The following ADAM29 variants were observed in gnomAD, a reference collection of about 807,000 sequenced individuals.
ADAM29 encodes the protein ADAM metallopeptidase domain 29, also known as disintegrin and metalloproteinase domain-containing protein 29.
For missense variants in ADAM29, 969 were observed against 1,001.8 expected (o/e 0.97, Z 0.44); for synonymous variants, 367 against 342.3 (o/e 1.07, Z -0.80).
At chr4:174,923,284 T>C (rs756689768) in intron 2 of ADAM29, among the ~76,000 whole-genome samples, 17 of 151,816 alleles carry the variant, frequency 1.1e-4, no homozygotes, top group Non-Finnish European at 2.1e-4. Flanking sequence ...CTCCAACTCC[T>C]GACATCCTGA....
At chr4:174,957,118 A>G (rs775632567) in intron 4 of ADAM29, among the ~76,000 whole-genome samples, 15 of 152,056 alleles carry the variant, frequency 9.9e-5, no homozygotes, top group Non-Finnish European at 2.1e-4. Flanking sequence ...TTAGCACCTG[A>G]TTAATTGCAT....
chr4:174,967,740 G>A (rs1288678038), intron 4 of ADAM29, among the ~76,000 whole-genome samples: 1 of 152,146 alleles, frequency 6.6e-6, no homozygotes, highest in Non-Finnish European at 1.5e-5. Flanking sequence ...CTAGAATTAA[G>A]TCCTGTCATG....
At chr4:174,934,421 T>C (rs6553850) in intron 3 of ADAM29, among the ~76,000 whole-genome samples, 134,701 of 152,024 alleles carry the variant, frequency 0.89, 60,011 homozygotes, top group East Asian at 0.96. Flanking sequence ...ATCTCTATTT[T>C]CTCCATATTT....
intron 2 of ADAM29, among the ~76,000 whole-genome samples, chr4:174,927,245 C>T (rs928862719): frequency 6.6e-6 from 1 of 152,140 alleles, no homozygotes; most frequent in Non-Finnish European, 1.5e-5. Context: ...AGGTGTTTGC[C>T]CAACTAAAAA....
chr4:174,930,725 T>C (rs929898198), intron 2 of ADAM29, among the ~76,000 whole-genome samples: 6 of 152,162 alleles, frequency 3.9e-5, no homozygotes, highest in African/African-American at 1.4e-4. Context: ...AAATATACTC[T>C]AGATTTAACA....
intron 2 of ADAM29, among the ~76,000 whole-genome samples, chr4:174,929,801 G>T (rs1743749413): frequency 6.6e-6 from 1 of 150,870 alleles, no homozygotes; most frequent in Non-Finnish European, 1.5e-5. Context: ...CTGTTGCCCA[G>T]GCTGGAGTGC....
chr4:174,947,602 G>A (rs1744928502), intron 4 of ADAM29, among the ~76,000 whole-genome samples: 1 of 152,152 alleles, frequency 6.6e-6, no homozygotes, highest in African/African-American at 2.4e-5. Flanking sequence ...GTTGTGATAG[G>A]AGAGTATAGT....
chr4:174,962,678 A>G (rs1023955356), intron 4 of ADAM29, among the ~76,000 whole-genome samples: 33 of 152,188 alleles, frequency 2.2e-4, no homozygotes, highest in African/African-American at 7.2e-4. Context: ...CATTTGTTAA[A>G]TAGCTAGATT....
intron 2 of ADAM29, among the ~76,000 whole-genome samples, 158 bp from the exon 3 acceptor site, chr4:174,930,828 T>C (rs10004808): frequency 0.91 from 137,912 of 152,194 alleles, 62,604 homozygotes; most frequent in East Asian, 0.96. Context: ...TTTCTCTTGA[T>C]TGTTTTTCCA....
chr4:174,926,849 T>G (rs919348285), intron 2 of ADAM29, among the ~76,000 whole-genome samples: 15 of 152,234 alleles, frequency 9.9e-5, no homozygotes, highest in Admixed American at 3.9e-4. Flanking sequence ...ACCTTTTCAT[T>G]AAATAGTTCT....
intron 4 of ADAM29, among the ~76,000 whole-genome samples, chr4:174,952,670 G>A (rs1469690400): frequency 6.6e-6 from 1 of 152,086 alleles, no homozygotes; most frequent in Non-Finnish European, 1.5e-5. Context: ...ATGAGAATAT[G>A]TAAACTGAGT....
At chr4:174,966,298 C>A (rs949728513) in intron 4 of ADAM29, among the ~76,000 whole-genome samples, 1 of 152,104 alleles carries the variant, frequency 6.6e-6, no homozygotes, top group African/African-American at 2.4e-5. Context: ...ATATTCATTC[C>A]ATTTTAACAG....
chr4:174,944,477 A>G (rs543294123), intron 4 of ADAM29, among the ~76,000 whole-genome samples: 17 of 152,270 alleles, frequency 1.1e-4, no homozygotes, highest in African/African-American at 4.1e-4. Flanking sequence ...TTCATATTCA[A>G]AACATGGTTA....
rs1175262061 is a variant in ADAM29, at chr4:174,977,144, C to T, written c.1619C>T (p.Thr540Ile). 1.9e-6 allele frequency: 3 copies of T among 1,614,024 alleles called. No individual in the cohort carries two copies. Among genetic ancestry groups the T allele is most frequent in the Non-Finnish European group, 2.5e-6 (3 of 1,179,988 alleles). ...GGTCACTGTGGTATCAAAAATGCTACATATATAAAGTGTAATATCTCAGAT... is the reference window on the plus strand; with the variant it reads ...GGTCACTGTGGTATCAAAAATGCTATATATATAAAGTGTAATATCTCAGAT... ...RVGHCGIKNATYIKCNISDVQ... is the reference protein window; with the variant it reads ...RVGHCGIKNAIYIKCNISDVQ... The change falls in exon 5 of 5, where the codon ACA becomes ATA. Residue 540 changes from threonine (T) to isoleucine (I), a missense_variant. Coordinates refer to ENST00000359240, the MANE Select transcript of ADAM29 (RefSeq NM_014269.4).
chr4:174,928,539 C>A, intron 2 of ADAM29, among the ~76,000 whole-genome samples: 1 of 134,768 alleles, frequency 7.4e-6, no homozygotes, highest in Non-Finnish European at 1.5e-5. Context: ...CCTAACATTA[C>A]CTATCTCTAC....
In ADAM29 at chr4:174,976,549, C is replaced by T. The variant is rs868006025; in HGVS notation, c.1024C>T (p.His342Tyr). 6.2e-7 allele frequency: 1 copy of T among 1,602,696 alleles called. No individual in the cohort carries two copies. The highest frequency in any genetic ancestry group is 8.5e-7 in the Non-Finnish European group (1 of 1,174,970). ...HHLGHNLGMN[H>Y]DEDTCRCSQP... ...TCTAGGTCATAATTTGGGCATGAAC[C>T]ATGATGAGGATACATGTCGTTGTTC... The change falls in exon 5 of 5, where the codon CAT (histidine) becomes TAT (tyrosine). Residue 342 changes from histidine to tyrosine, a missense_variant. Physicochemically the swap from His to Tyr is moderately conservative, Grantham distance 83. Coordinates refer to ENST00000359240, the MANE Select transcript of ADAM29 (RefSeq NM_014269.4).
intron 2 of ADAM29, among the ~76,000 whole-genome samples, chr4:174,928,253 C>T (rs1743629628): frequency 1.3e-5 from 2 of 152,036 alleles, no homozygotes; most frequent in Admixed American, 1.3e-4. Flanking sequence ...GCTTTCAGAC[C>T]ATTGCATGGC....
At chr4:174,940,563 C>T (rs990915225) in intron 4 of ADAM29, among the ~76,000 whole-genome samples, 1 of 151,458 alleles carries the variant, frequency 6.6e-6, no homozygotes, top group Non-Finnish European at 1.5e-5. Context: ...TGAAGCCTCT[C>T]TGACTTTTTT....
chr4:174,958,180 A>T (rs1452778683), intron 4 of ADAM29, among the ~76,000 whole-genome samples: 1 of 151,546 alleles, frequency 6.6e-6, no homozygotes, highest in Non-Finnish European at 1.5e-5. Context: ...ATGGATCAAT[A>T]CTGCTCTTCA....
Sources: allele counts gnomAD v4.1 joint callset (sites outside exome capture counted in the v4.1 genomes callset), GRCh38; gene constraint gnomAD v4.1.1; transcripts MANE v1.5; gene names NCBI Gene and HGNC (gene_info 2026-07-23, HGNC 2026-07-21).